Variants in RNF150 observed in about 807,000 individuals in gnomAD.
The protein encoded by RNF150 is ring finger protein 150.
A neutral mutation model predicts 39.3 loss-of-function variants in RNF150; 24 were observed. The observed-to-expected ratio is 0.61, with a 90% confidence interval of 0.44 to 0.86. The LOEUF (loss-of-function observed/expected upper bound fraction) is 0.86. Among genes scored for constraint, RNF150 ranks in the 40% least tolerant of loss-of-function variants. The probability of loss-of-function intolerance (pLI) is 0.00; values close to 1 mark genes in which losing one functional copy is unlikely to be tolerated. For missense variants in RNF150, 502 were observed against 587.8 expected (o/e 0.85, Z 1.51); for synonymous variants, 255 against 227.3 (o/e 1.12, Z -1.10).
intron 1 of RNF150, among the ~76,000 whole-genome samples, chr4:141,210,875 T>C (rs1278886408): frequency 2.6e-5 from 4 of 152,160 alleles, no homozygotes; most frequent in Admixed American, 2.6e-4. Flanking sequence ...TGGTCAATTA[T>C]CTGAGGCCAT....
At chr4:140,996,118 C>T (rs1895762) in intron 1 of RNF150, among the ~76,000 whole-genome samples, 32,580 of 152,026 alleles carry the variant, frequency 0.21, 3,685 homozygotes, top group African/African-American at 0.29. Flanking sequence ...TGCCCTTTTT[C>T]CCCATCCTCA....
At chr4:141,204,892 C>A (rs1728350036) in intron 1 of RNF150, among the ~76,000 whole-genome samples, 1 of 152,070 alleles carries the variant, frequency 6.6e-6, no homozygotes, top group Non-Finnish European at 1.5e-5. Flanking sequence ...TTTTAAAGGA[C>A]CTTTTTCATA....
intron 1 of RNF150, among the ~76,000 whole-genome samples, chr4:141,062,247 G>A (rs948717045): frequency 6.0e-4 from 91 of 152,052 alleles, no homozygotes; most frequent in African/African-American, 2.1e-3. Flanking sequence ...CTGAGTCTTT[G>A]CGTAAAATTC....
chr4:141,143,688 C>T (rs1168685816), intron 1 of RNF150, among the ~76,000 whole-genome samples: 1 of 152,154 alleles, frequency 6.6e-6, no homozygotes, highest in African/African-American at 2.4e-5. Flanking sequence ...CTGGTACTTT[C>T]TTTCATGACC....
intron 1 of RNF150, among the ~76,000 whole-genome samples, chr4:141,140,081 TATATGA>T (rs1727093652): frequency 1.3e-5 from 2 of 152,194 alleles, no homozygotes; most frequent in African/African-American, 4.8e-5. Context: ...ACGGGCAAGG[TATATGA>T]ACTTTAAGAG....
At chr4:140,895,348 G>A (rs183363816) in intron 6 of RNF150, among the ~76,000 whole-genome samples, 15 of 152,278 alleles carry the variant, frequency 9.9e-5, no homozygotes, top group Admixed American at 5.2e-4. Flanking sequence ...AGTAGAAAAT[G>A]GGCATATTAT....
Position 140,951,551 on chromosome 4 carries a change from G to GT in RNF150, c.736-2180dup, listed in dbSNP as rs35787999. Among the ~76,000 whole-genome samples, 119 of 139,574 alleles carry GT rather than the reference G, an allele frequency of 8.5e-4. 1 individual carries two copies. Among genetic ancestry groups the GT allele is most frequent in the African/African-American group, 1.8e-3 (67 of 37,856 alleles). The allele number at this position is 139,574 out of a possible 152,430, so 91.6% of individuals were successfully genotyped here. A position where few individuals can be genotyped will look rare whatever the true frequency, so the allele number is the denominator to read the frequency against. On this transcript the variant is annotated intron_variant, in intron 2 of 6. Transcript: ENST00000515673. ...AGAGTGGTTTTTTGTTGTTGTTGTTGTTTTTTTTTTTTTTTGCAAGGAAAA... is the reference window on the plus strand; with the variant it reads ...AGAGTGGTTTTTTGTTGTTGTTGTTGTTTTTTTTTTTTTTTTGCAAGGAAAA...
intron 1 of RNF150, among the ~76,000 whole-genome samples, chr4:141,179,536 C>A (rs983280643): frequency 1.3e-5 from 2 of 152,094 alleles, no homozygotes; most frequent in South Asian, 2.1e-4. Flanking sequence ...CTGCTTAAAC[C>A]CATTCATATT....
Position 140,992,512 on chromosome 4 carries a change from A to G in RNF150, c.485-24639T>C, listed in dbSNP as rs535096956. Among the ~76,000 whole-genome samples, 116 of 152,288 alleles carry G rather than the reference A, an allele frequency of 7.6e-4. 1 individual carries two copies. The highest frequency in any genetic ancestry group is 3.2e-3 in the Admixed American group (49 of 15,280). On this transcript the variant is annotated intron_variant, in intron 1 of 6. Transcript: ENST00000515673. ...GGAGACATAAAGGAGGTGGCCACAC[A>G]GTCAGCTGGGCCTTGCTCCCACTGC...
chr4:140,985,893 T>C (rs1452342896), intron 1 of RNF150, among the ~76,000 whole-genome samples: 2 of 152,092 alleles, frequency 1.3e-5, no homozygotes, highest in African/African-American at 4.8e-5. Context: ...GACAGAACTG[T>C]TCAGTCAGTT....
intron 1 of RNF150, among the ~76,000 whole-genome samples, chr4:140,976,132 TTTTAAATTAAA>T (rs1415434315): frequency 1.3e-5 from 2 of 152,142 alleles, no homozygotes; most frequent in African/African-American, 4.8e-5. Context: ...GGAAAGAATT[TTTTAAATTAAA>T]TTTATTTTTA....
intron 1 of RNF150, among the ~76,000 whole-genome samples, chr4:141,048,512 C>T (rs1423516667): frequency 2.6e-5 from 4 of 152,126 alleles, no homozygotes; most frequent in South Asian, 2.1e-4. Flanking sequence ...GGGAGGACTG[C>T]ATGAGGCTAA....
intron 1 of RNF150, among the ~76,000 whole-genome samples, chr4:141,018,448 T>C (rs969437965): frequency 8.5e-5 from 13 of 152,254 alleles, no homozygotes; most frequent in Admixed American, 7.8e-4. Context: ...TCTTTCTTAC[T>C]GAAAAAAAGC....
intron 1 of RNF150, among the ~76,000 whole-genome samples, chr4:140,975,961 AC>A (rs963764676): frequency 1.3e-5 from 2 of 151,794 alleles, no homozygotes; most frequent in African/African-American, 4.8e-5. Context: ...CCTTTTTCAA[AC>A]CCTTCCTATG....
At chr4:140,979,494 C>A (rs1216997714) in intron 1 of RNF150, among the ~76,000 whole-genome samples, 1 of 151,966 alleles carries the variant, frequency 6.6e-6, no homozygotes, top group Non-Finnish European at 1.5e-5. Context: ...TGAAAGAATG[C>A]ACACAAAGAA....
intron 1 of RNF150, among the ~76,000 whole-genome samples, chr4:141,011,068 AATG>A (rs150365020): frequency 0.076 from 11,503 of 152,120 alleles, 478 homozygotes; most frequent in Middle Eastern, 0.16. Context: ...ATTCCTATTT[AATG>A]ATATTATTAA....
At chr4:140,914,805 G>A (rs763767023) in intron 5 of RNF150, among the ~76,000 whole-genome samples, 1 of 152,148 alleles carries the variant, frequency 6.6e-6, no homozygotes, top group Non-Finnish European at 1.5e-5. Context: ...CTATTGTTAT[G>A]GGAATTTCAT....
At chr4:141,014,556 A>C (rs1409845505) in intron 1 of RNF150, among the ~76,000 whole-genome samples, 1 of 152,238 alleles carries the variant, frequency 6.6e-6, no homozygotes, top group Admixed American at 6.5e-5. Flanking sequence ...GTAATACCTC[A>C]TTGCAGTTTT....
chr4:140,900,559 G>A (rs1393503450), intron 6 of RNF150, among the ~76,000 whole-genome samples: 1 of 152,192 alleles, frequency 6.6e-6, no homozygotes. Flanking sequence ...TCTGGTAATT[G>A]AAGACGAGCA....
Sources: gnomAD v4.1 joint callset for allele counts (sites outside exome capture counted in the v4.1 genomes callset) on GRCh38, gnomAD v4.1.1 for gene constraint, MANE v1.5 for transcripts, NCBI Gene and HGNC (gene_info 2026-07-23, HGNC 2026-07-21) for gene names.